Variants in CADPS2 observed in about 807,000 individuals in gnomAD.
CADPS2 encodes calcium dependent secretion activator 2.
Under a neutral mutation model 172.5 loss-of-function variants are expected in CADPS2, and 93 were observed. The observed-to-expected ratio is 0.54, with a 90% CI of 0.46 to 0.64. The LOEUF is 0.64. Among genes scored for constraint, CADPS2 ranks in the 30% least tolerant of loss-of-function variants. CADPS2 has a pLI of 0.00. For synonymous variants in CADPS2, 546 were observed against 555.2 expected (o/e 0.98, Z 0.23); for missense variants, 1,420 against 1,565.9 (o/e 0.91, Z 1.57).
At chr7:122,721,890 C>T (rs185078598) in intron 2 of CADPS2, among the ~76,000 whole-genome samples, 62 of 152,166 alleles carry the variant, frequency 4.1e-4, no homozygotes, top group African/African-American at 1.2e-3. Context: ...GTTCAATATA[C>T]GCGAATCAAT....
intron 20 of CADPS2, among the ~76,000 whole-genome samples, chr7:122,401,524 G>A (rs1348337324): frequency 2.0e-5 from 3 of 152,148 alleles, no homozygotes; most frequent in Non-Finnish European, 4.4e-5. Context: ...ATTATTGACA[G>A]AACAACTATG....
In CADPS2 at chr7:122,768,964, AAAAG is replaced by A. The variant is rs202232252; in HGVS notation, c.340-31900_340-31897del. ...GCTAAGTGCCATTATCAGAAAAAAA[AAAAG>A]AAAGAAACGGTCACAGCTGTCAGAT... On this transcript the variant is annotated intron_variant, in intron 1 of 29. Transcript: ENST00000449022. Among the ~76,000 whole-genome samples, 735 of 152,306 alleles carry A rather than the reference AAAAG, an allele frequency of 4.8e-3. 4 individuals are homozygous for A. Among genetic ancestry groups the A allele is most frequent in the Middle Eastern group, 0.01 (3 of 294 alleles).
intron 24 of CADPS2, among the ~76,000 whole-genome samples, chr7:122,382,831 A>T (rs1303974074): frequency 2.0e-5 from 3 of 152,058 alleles, no homozygotes; most frequent in Admixed American, 1.3e-4. Context: ...AATACTGAGA[A>T]AAGGTAATGC....
chr7:122,855,424 C>T (rs891723334), intron 1 of CADPS2, among the ~76,000 whole-genome samples: 1 of 152,190 alleles, frequency 6.6e-6, no homozygotes, highest in South Asian at 2.1e-4. Context: ...TGGAATTCAA[C>T]TTCCAAACAC....
At chr7:122,545,847 T>G (rs1187535927) in intron 8 of CADPS2, among the ~76,000 whole-genome samples, 3 of 152,166 alleles carry the variant, frequency 2.0e-5, no homozygotes, top group African/African-American at 7.2e-5. Context: ...AACTTTTCTT[T>G]GATTGACCTG....
At chr7:122,702,930 T>G in intron 2 of CADPS2, 1 of 541,522 alleles carries the variant, frequency 1.8e-6, no homozygotes, top group Non-Finnish European at 3.3e-6. Flanking sequence ...ATTATCTTTC[T>G]CATAATGAAA....
intron 12 of CADPS2, among the ~76,000 whole-genome samples, chr7:122,477,473 G>A (rs1016904605): frequency 2.7e-5 from 4 of 150,802 alleles, no homozygotes; most frequent in Admixed American, 6.6e-5. Flanking sequence ...CTGAGATTGC[G>A]CCACTGCACT....
intron 2 of CADPS2, among the ~76,000 whole-genome samples, chr7:122,723,358 G>C (rs1298936133): frequency 6.6e-6 from 1 of 152,046 alleles, no homozygotes; most frequent in Non-Finnish European, 1.5e-5. Flanking sequence ...CCATCAAAAA[G>C]TGGGCAAAGC....
At chr7:122,677,059 T>C (rs1332306831) in intron 2 of CADPS2, among the ~76,000 whole-genome samples, 3 of 152,162 alleles carry the variant, frequency 2.0e-5, no homozygotes, top group African/African-American at 7.2e-5. Flanking sequence ...GCTTAACCAT[T>C]TGTTCAATAA....
intron 2 of CADPS2, among the ~76,000 whole-genome samples, chr7:122,693,183 T>C (rs527915380): frequency 2.0e-5 from 3 of 152,306 alleles, no homozygotes; most frequent in African/African-American, 4.8e-5. Context: ...TTTATAAAAA[T>C]ACTGTTAACA....
chr7:122,320,674 T>C (rs1457001882), intron 29 of CADPS2, among the ~76,000 whole-genome samples: 1 of 152,208 alleles, frequency 6.6e-6, no homozygotes, highest in Non-Finnish European at 1.5e-5. Flanking sequence ...AAGTTTTTAA[T>C]AAGAAATTAT....
At chr7:122,757,325 T>G (rs1157296706) in intron 1 of CADPS2, among the ~76,000 whole-genome samples, 1 of 152,034 alleles carries the variant, frequency 6.6e-6, no homozygotes, top group Non-Finnish European at 1.5e-5. Context: ...ATTTTTGTAT[T>G]TTTTGTAGAG....
chr7:122,433,736 T>A (rs1234877354), intron 17 of CADPS2, among the ~76,000 whole-genome samples: 2 of 152,246 alleles, frequency 1.3e-5, no homozygotes, highest in Non-Finnish European at 2.9e-5. Flanking sequence ...CATTTCATTT[T>A]AATAAAAGTA....
At chr7:122,606,031 A>G (rs1189541974) in intron 6 of CADPS2, among the ~76,000 whole-genome samples, 2 of 152,234 alleles carry the variant, frequency 1.3e-5, no homozygotes, top group African/African-American at 4.8e-5. Flanking sequence ...TCAATTATTT[A>G]GCAGTTGAAT....
chr7:122,433,951 T>C (rs766840665), intron 17 of CADPS2, among the ~76,000 whole-genome samples: 1 of 152,074 alleles, frequency 6.6e-6, no homozygotes, highest in Non-Finnish European at 1.5e-5. Flanking sequence ...CTTTCATATC[T>C]CCCAGGGGAA....
intron 1 of CADPS2, among the ~76,000 whole-genome samples, chr7:122,832,829 T>G (rs936610901): frequency 1.3e-5 from 2 of 152,196 alleles, no homozygotes; most frequent in African/African-American, 4.8e-5. Context: ...TTCCCCTTTT[T>G]CTATGAAATG....
chr7:122,777,816 C>T (rs1178326844), intron 1 of CADPS2, among the ~76,000 whole-genome samples: 1 of 152,126 alleles, frequency 6.6e-6, no homozygotes, highest in Non-Finnish European at 1.5e-5. Flanking sequence ...TCAATTAAAC[C>T]TCTCTCCTTT....
intron 3 of CADPS2, among the ~76,000 whole-genome samples, chr7:122,654,461 C>G (rs2079518080): frequency 6.6e-6 from 1 of 152,158 alleles, no homozygotes; most frequent in African/African-American, 2.4e-5. Flanking sequence ...GAAGCTAATG[C>G]TCACTTACTA....
chr7:122,776,619 A>G (rs1159656556), intron 1 of CADPS2, among the ~76,000 whole-genome samples: 2 of 152,120 alleles, frequency 1.3e-5, no homozygotes. Flanking sequence ...AAAATGTGGG[A>G]AAGTTTGGAA....
Sources: gnomAD v4.1 joint callset for allele counts (sites outside exome capture counted in the v4.1 genomes callset) on GRCh38, gnomAD v4.1.1 for gene constraint, MANE v1.5 for transcripts, NCBI Gene and HGNC (gene_info 2026-07-23, HGNC 2026-07-21) for gene names.